The following SI variants were observed in gnomAD, a reference collection of about 807,000 sequenced individuals.
The protein encoded by SI is sucrase-isomaltase, intestinal.
Under a neutral mutation model 253.3 loss-of-function variants are expected in SI, and 235 were observed. The observed-to-expected ratio is 0.93, with a 90% CI of 0.83 to 1.03. The LOEUF is 1.03. Among genes scored for constraint, SI ranks in the 50% least tolerant of loss-of-function variants. The probability of loss-of-function intolerance (pLI) is 0.00; values close to 1 mark genes in which losing one functional copy is unlikely to be tolerated. For missense variants in SI, 2,442 were observed against 2,211.1 expected (o/e 1.10, Z -2.09); for synonymous variants, 819 against 712.0 (o/e 1.15, Z -2.39).
chr3:165,066,693 G>T (rs1484167393), intron 6 of SI, among the ~76,000 whole-genome samples: 3 of 151,714 alleles, frequency 2.0e-5, no homozygotes, highest in Admixed American at 1.3e-4. Flanking sequence ...GCCTTTTTGT[G>T]CCTGGCTTAT....
Position 165,043,204 on chromosome 3 carries a change from A to G in SI, c.1888-29T>C, listed in dbSNP as rs370343188. On this transcript the variant is annotated intron_variant, in intron 16 of 47. Coordinates refer to ENST00000264382, the MANE Select transcript of SI (RefSeq NM_001041.4). The stretch of plus-strand genomic sequence containing the variant: ...AATAACAAATATATTTACTATTTAT[A>G]ATGTTAAGATTCTCAAATTTGCCTA... 4 of 1,459,136 alleles carry G rather than the reference A, an allele frequency of 2.7e-6. No homozygotes were observed. The African/African-American group carries it at 5.6e-5, about 21-fold the overall frequency. 90.4% of individuals were successfully genotyped at this position (1,459,136 alleles called of 1,614,324 possible).
At chr3:165,048,459 A>C (rs1367183426) in intron 15 of SI, among the ~76,000 whole-genome samples, 1 of 150,720 alleles carries the variant, frequency 6.6e-6, no homozygotes, top group Non-Finnish European at 1.5e-5. Flanking sequence ...TGTGAGATGC[A>C]AGCTTAAAAC....
intron 37 of SI, among the ~76,000 whole-genome samples, chr3:165,005,433 C>A (rs1718458536): frequency 6.6e-6 from 1 of 151,954 alleles, no homozygotes; most frequent in South Asian, 2.1e-4. Flanking sequence ...CTGTGTATTG[C>A]ATGCTTGGTA....
chr3:165,045,162 A>AAATGTATT (rs1401638044), intron 16 of SI, among the ~76,000 whole-genome samples: 3 of 152,088 alleles, frequency 2.0e-5, no homozygotes, highest in Non-Finnish European at 2.9e-5. Flanking sequence ...TACTTCTTTA[A>AAATGTATT]AATGTATTGT....
chr3:164,994,283 GCCA>G lies in SI; in HGVS notation c.4812_4814del (p.Gly1605del). ...CATGCAAAAGGGGTCGGATAACAGTGCCACCATTAGCATGAATTTCATGCATTT... is the reference window on the plus strand; with the variant it reads ...CATGCAAAAGGGGTCGGATAACAGTGCCATTAGCATGAATTTCATGCATTT... On this transcript the variant is annotated inframe_deletion, in exon 41 of 48. Coordinates refer to ENST00000264382, the MANE Select transcript of SI (RefSeq NM_001041.4). The G allele has an allele frequency of 6.2e-7, 1 of 1,610,948 alleles. No individual in the cohort carries two copies. Among genetic ancestry groups the G allele is most frequent in the South Asian group, 1.1e-5 (1 of 91,040 alleles).
intron 12 of SI, among the ~76,000 whole-genome samples, chr3:165,058,625 T>G (rs1713818825): frequency 1.3e-5 from 2 of 152,036 alleles, no homozygotes; most frequent in South Asian, 2.1e-4. Flanking sequence ...TAAATAATTT[T>G]TAGAGGCTAC....
intron 33 of SI, 83 bp from the exon 34 acceptor site, chr3:165,013,125 A>G: frequency 1.2e-6 from 1 of 854,106 alleles, no homozygotes; most frequent in East Asian, 2.4e-5. Flanking sequence ...GTAATGGAGT[A>G]TTAGAGGCTT....
intron 16 of SI, among the ~76,000 whole-genome samples, chr3:165,045,709 T>C (rs552590468): frequency 2.6e-5 from 4 of 152,108 alleles, no homozygotes; most frequent in African/African-American, 9.6e-5. Flanking sequence ...AGTAAGTTTT[T>C]CTTTAAATAT....
At chr3:165,073,254 C>T (rs13072928) in intron 3 of SI, among the ~76,000 whole-genome samples, 87,016 of 147,946 alleles carry the variant, frequency 0.59, 25,885 homozygotes, top group East Asian at 0.82. Context: ...CTCTCTCTTT[C>T]GAGACGGAGT....
rs746560617 is a variant in SI, at chr3:165,021,253, C to T, written c.3230G>A (p.Arg1077Gln). 9 of 1,610,926 alleles carry T rather than the reference C, an allele frequency of 5.6e-6. No individual in the cohort carries two copies. Among genetic ancestry groups the T allele is most frequent in the Middle Eastern group, 1.6e-4 (1 of 6,070 alleles). The change falls in exon 27 of 48, where the codon CGA becomes CAA. Residue 1077 changes from arginine to glutamine, a missense_variant. Coordinates refer to ENST00000264382, the MANE Select transcript of SI (RefSeq NM_001041.4). ...CATGACTCTTCCACTGCTTCTCCGT[C>T]GAATCTGGATGCCAAAAGGATTTTC... The part of the protein sequence containing the change: ...IKENPFGIQI[R>Q]RRSSGRVIWD...
At chr3:165,034,045 A>G in intron 22 of SI, among the ~76,000 whole-genome samples, 1 of 151,870 alleles carries the variant, frequency 6.6e-6, no homozygotes, top group East Asian at 1.9e-4. Context: ...GGACTGAAAT[A>G]GTTTGTCATA....
At chr3:165,051,035 AT>A (rs1333626347) in intron 13 of SI, among the ~76,000 whole-genome samples, 1 of 152,044 alleles carries the variant, frequency 6.6e-6, no homozygotes, top group Admixed American at 6.6e-5. Flanking sequence ...TAATAAAATA[AT>A]TTTTTAAACA....
intron 32 of SI, among the ~76,000 whole-genome samples, chr3:165,015,710 G>T (rs1718989716): frequency 6.6e-6 from 1 of 152,004 alleles, no homozygotes; most frequent in South Asian, 2.1e-4. Flanking sequence ...ATGATAACTA[G>T]AAAACAGCTT....
chr3:165,032,817 T>C, intron 23 of SI, 125 bp from the exon 24 acceptor site: 1 of 605,740 alleles, frequency 1.7e-6, no homozygotes, highest in Non-Finnish European at 2.9e-6. Flanking sequence ...GCTCTCCTCA[T>C]CCAAGTAGCA....
At chr3:164,986,034 C>T (rs1275237329) in intron 45 of SI, among the ~76,000 whole-genome samples, 1 of 150,492 alleles carries the variant, frequency 6.6e-6, no homozygotes, top group African/African-American at 2.5e-5. Context: ...CTAAATACTA[C>T]CAAAAACAAG....
chr3:165,059,114 A>G, intron 11 of SI, 32 bp from the exon 12 acceptor site: 1 of 1,567,780 alleles, frequency 6.4e-7, no homozygotes, highest in Non-Finnish European at 8.6e-7. Flanking sequence ...TGCAAAATCT[A>G]TTAACTTACA....
At chr3:164,993,854 C>T (rs1473891800) in intron 41 of SI, among the ~76,000 whole-genome samples, 1 of 151,730 alleles carries the variant, frequency 6.6e-6, no homozygotes, top group South Asian at 2.1e-4. Context: ...GTGGAATGGT[C>T]TCCAGTAAGA....
At chr3:165,026,783 T>A (rs1406020905) in intron 25 of SI, among the ~76,000 whole-genome samples, 3 of 151,156 alleles carry the variant, frequency 2.0e-5, no homozygotes, top group African/African-American at 7.3e-5. Context: ...ATGACAATAG[T>A]GACACAGCCT....
chr3:165,011,363 A>G (rs971263416), intron 34 of SI, among the ~76,000 whole-genome samples: 2 of 151,948 alleles, frequency 1.3e-5, no homozygotes, highest in Non-Finnish European at 2.9e-5. Context: ...TTGTTGTTCC[A>G]CTGGCTGTTC....
Sources: allele counts gnomAD v4.1 joint callset (sites outside exome capture counted in the v4.1 genomes callset), GRCh38; gene constraint gnomAD v4.1.1; transcripts MANE v1.5; gene names NCBI Gene and HGNC (gene_info 2026-07-23, HGNC 2026-07-21).